The following IPO11 variants were observed in gnomAD, a reference collection of about 807,000 sequenced individuals.
IPO11 encodes the protein importin-11.
In IPO11, 66 loss-of-function variants were observed where a neutral mutation model predicts 143.2. The ratio of observed to expected loss-of-function variants is 0.46; its 90% CI spans 0.38 to 0.57. The LOEUF (loss-of-function observed/expected upper bound fraction) is 0.57. Ranked by LOEUF, IPO11 falls within the 20% of genes least tolerant of loss-of-function variation. The pLI is 0.00. For synonymous variants in IPO11, 385 were observed against 377.8 expected, an observed-to-expected ratio of 1.02 and a Z score of -0.22; for missense variants, 1,026 against 1,141.0, an observed-to-expected ratio of 0.90 and a Z score of 1.45.
At chr5:62,588,863 T>C (rs1470606019) in intron 27 of IPO11, among the ~76,000 whole-genome samples, 1 of 152,218 alleles carries the variant, frequency 6.6e-6, no homozygotes, top group Non-Finnish European at 1.5e-5. Context: ...GCAATCTTTT[T>C]GTCTTTGGTC....
At chr5:62,573,394 T>C (rs756294750) in intron 27 of IPO11, among the ~76,000 whole-genome samples, 21 of 152,236 alleles carry the variant, frequency 1.4e-4, no homozygotes, top group Non-Finnish European at 1.9e-4. Context: ...ATATTCTGTT[T>C]ATCCTAATTT....
chr5:62,526,137 C>T lies in IPO11; in HGVS notation c.1897-5C>T. On this transcript the variant is annotated splice_polypyrimidine_tract_variant and splice_region_variant and intron_variant, in intron 20 of 29. Transcript: ENST00000325324. ...TATTATAAGTTTTATTTATACTTCC[C>T]ATAGGGATTAGGAGCAGACAGCAAG... 6.3e-7 allele frequency: 1 copy of T among 1,584,800 alleles called. No homozygotes were observed. Among genetic ancestry groups the T allele is most frequent in the South Asian group, 1.1e-5 (1 of 90,350 alleles).
At chr5:62,488,719 T>C (rs568824513) in intron 13 of IPO11, among the ~76,000 whole-genome samples, 35 of 152,218 alleles carry the variant, frequency 2.3e-4, no homozygotes, top group African/African-American at 8.2e-4. Flanking sequence ...AGAATGAGTG[T>C]TGGCCAGGCA....
rs1330961347 is a variant in IPO11, at chr5:62,627,338, G to T, written c.*20G>T. ...TTCTAAGAGCACATGACATGTGGCT[G>T]CCTCCCCTTTCAGAAACAAGCTGAG... On this transcript the variant is annotated 3_prime_UTR_variant, in exon 30 of 30. Transcript: ENST00000325324. 6.3e-7 allele frequency: 1 copy of T among 1,593,832 alleles called. No homozygotes were observed. The highest frequency in any genetic ancestry group is 1.7e-5 in the Admixed American group (1 of 59,310).
intron 6 of IPO11, among the ~76,000 whole-genome samples, chr5:62,467,870 C>T (rs1745624662): frequency 6.6e-6 from 1 of 152,098 alleles, no homozygotes; most frequent in African/African-American, 2.4e-5. Context: ...ACTCATTTGT[C>T]TTATTCTCTT....
intron 26 of IPO11, among the ~76,000 whole-genome samples, chr5:62,554,192 A>G (rs1743489307): frequency 6.6e-6 from 1 of 152,232 alleles, no homozygotes; most frequent in Admixed American, 6.5e-5. Flanking sequence ...TGTTGGATAT[A>G]TAATTTGCAA....
chr5:62,537,357 C>CATTT, intron 24 of IPO11, 68 bp downstream of exon 24: 4 of 1,044,364 alleles, frequency 3.8e-6, no homozygotes, highest in Non-Finnish European at 5.9e-6. Context: ...ATTGGACTTT[C>CATTT]ATTTGGATGG....
intron 24 of IPO11, among the ~76,000 whole-genome samples, chr5:62,544,353 C>T (rs1460213465): frequency 6.6e-6 from 1 of 151,856 alleles, no homozygotes; most frequent in East Asian, 1.9e-4. Context: ...AGACAAAAAC[C>T]ACATGATTAT....
intron 27 of IPO11, chr5:62,580,147 CATA>C: frequency 6.4e-7 from 1 of 1,551,074 alleles, no homozygotes. Flanking sequence ...TTCTTTGTCT[CATA>C]ATCCTATTGA....
At chr5:62,627,045 G>A in intron 29 of IPO11, 109 bp from the exon 30 acceptor site, 1 of 909,910 alleles carries the variant, frequency 1.1e-6, no homozygotes, top group Non-Finnish European at 1.6e-6. Context: ...AAGAGAGGCA[G>A]AAGCAATTTT....
intron 19 of IPO11, among the ~76,000 whole-genome samples, chr5:62,508,802 G>GT (rs1177004866): frequency 1.3e-5 from 2 of 152,006 alleles, no homozygotes; most frequent in Admixed American, 1.3e-4. Flanking sequence ...TCCCCGCCCT[G>GT]TGTCCATGTG....
chr5:62,419,990 G>GT (rs1440577253), intron 1 of IPO11, among the ~76,000 whole-genome samples: 1 of 151,892 alleles, frequency 6.6e-6, no homozygotes, highest in African/African-American at 2.4e-5. Flanking sequence ...GACAGAGATC[G>GT]TAACTCTTAA....
At position 62,516,292 on chromosome 5, in the gene IPO11, T is replaced by G. The variant is rs141110252; in HGVS notation, c.1896+791T>G. On this transcript the variant is annotated intron_variant, in intron 20 of 29. Coordinates refer to ENST00000325324, the MANE Select transcript of IPO11 (RefSeq NM_016338.5). ...GAGCTCATTCTTTCCATAAATGCTT[T>G]CTTTTTTTTTTTCCTTTTTGAGACG... 7.8e-3 allele frequency among the ~76,000 whole-genome samples: 1,190 copies of G among 152,248 alleles called. 9 individuals carry two copies. Among genetic ancestry groups the G allele is most frequent in the Middle Eastern group, 0.02 (6 of 294 alleles).
At chr5:62,554,126 AT>A (rs1743486719) in intron 26 of IPO11, among the ~76,000 whole-genome samples, 1 of 152,136 alleles carries the variant, frequency 6.6e-6, no homozygotes, top group Admixed American at 6.5e-5. Context: ...AAAATGGATT[AT>A]TATTTTTATT....
intron 26 of IPO11, among the ~76,000 whole-genome samples, chr5:62,560,123 C>A (rs1743725362): frequency 6.6e-6 from 1 of 151,972 alleles, no homozygotes; most frequent in African/African-American, 2.4e-5. Flanking sequence ...GCAGCATAGA[C>A]TATAATTAGT....
intron 28 of IPO11, among the ~76,000 whole-genome samples, chr5:62,598,531 CTTTCTTT>C (rs1220393620): frequency 9.3e-5 from 1 of 10,756 alleles, no homozygotes; most frequent in African/African-American, 1.1e-3. Flanking sequence ...TCTTTCTTTT[CTTTCTTT>C]TCTTTCTTTT....
intron 16 of IPO11, among the ~76,000 whole-genome samples, chr5:62,499,195 T>G (rs1166164247): frequency 6.6e-6 from 1 of 152,164 alleles, no homozygotes; most frequent in African/African-American, 2.4e-5. Context: ...TAGAGTGTGC[T>G]TTTACACAAT....
rs1452362160 is a variant in IPO11, at chr5:62,476,417, G to C, written c.758-266G>C. On this transcript the variant is annotated intron_variant, in intron 8 of 29. Transcript: ENST00000325324. ...CAACTGTGACATTTAGTTTTTAAAT[G>C]TTATCCATGATTCATTGCTAAAACG... Among the ~76,000 whole-genome samples the C allele has an allele frequency of 2.0e-5, 3 of 152,102 alleles. No homozygotes were observed. In the East Asian group the frequency reaches 5.8e-4, roughly 29 times the overall value.
At position 62,601,920 on chromosome 5, in the gene IPO11, A is replaced by G. The variant is rs1022395688; in HGVS notation, c.2763+72A>G. On this transcript the variant is annotated intron_variant, in intron 29 of 29. Transcript: ENST00000325324. ...ATTTTCTGTAGGTTCAGAAATATCT[A>G]TGGTCTATTTGTCCATCCAGCTATA... 5.5e-5 allele frequency: 50 copies of G among 901,730 alleles called. No individual in the cohort carries two copies. The African/African-American group carries it at 7.0e-4, about 13-fold the overall frequency. The allele number at this position is 901,730 out of a possible 1,614,324, so 55.9% of individuals were successfully genotyped here. A position where few individuals can be genotyped will look rare whatever the true frequency, so the allele number is the denominator to read the frequency against.
Sources: gnomAD v4.1 joint callset for allele counts (sites outside exome capture counted in the v4.1 genomes callset) on GRCh38, gnomAD v4.1.1 for gene constraint, MANE v1.5 for transcripts, NCBI Gene and HGNC (gene_info 2026-07-23, HGNC 2026-07-21) for gene names.